Variants in MAST4 observed in about 807,000 individuals in gnomAD.
The protein encoded by MAST4 is microtubule-associated serine/threonine-protein kinase 4.
A neutral mutation model predicts 162.7 loss-of-function variants in MAST4; 89 were observed. That is an observed-to-expected ratio of 0.55 (90% CI 0.46 to 0.65). The LOEUF (loss-of-function observed/expected upper bound fraction) is 0.65, where lower values mean the gene tolerates loss of function less well. Ranked by LOEUF, MAST4 falls within the 30% of genes least tolerant of loss-of-function variation. The probability of loss-of-function intolerance (pLI) is 0.00; values close to 1 mark genes in which losing one functional copy is unlikely to be tolerated. For synonymous variants in MAST4, 1,479 were observed against 1,361.1 expected (o/e 1.09, Z -1.91); for missense variants, 3,153 against 3,374.0 (o/e 0.93, Z 1.62).
At chr5:67,142,804 C>G in intron 21 of MAST4, 1 of 315,702 alleles carries the variant, frequency 3.2e-6, no homozygotes, top group Non-Finnish European at 5.8e-6. Context: ...AGCTCTGATC[C>G]CCTTCAGGAA....
chr5:66,916,351 A>G (rs981653890), intron 4 of MAST4, among the ~76,000 whole-genome samples: 2 of 152,232 alleles, frequency 1.3e-5, no homozygotes, highest in African/African-American at 4.8e-5. Context: ...GATATTAAGC[A>G]AGTAGCCCCA....
At chr5:66,979,536 G>C (rs374712114) in intron 4 of MAST4, among the ~76,000 whole-genome samples, 2 of 152,300 alleles carry the variant, frequency 1.3e-5, no homozygotes, top group African/African-American at 4.8e-5. Flanking sequence ...CTCTAGATCC[G>C]CTAGAGATGC....
At chr5:66,927,714 T>C (rs1245732399) in intron 4 of MAST4, among the ~76,000 whole-genome samples, 3 of 152,186 alleles carry the variant, frequency 2.0e-5, no homozygotes, top group African/African-American at 7.2e-5. Context: ...TGCTTGAAGA[T>C]GCGCCATCTG....
rs754504824 is a variant in MAST4 at position 66,947,231 on chromosome 5, A to AT, written c.674+47255dup. Among the ~76,000 whole-genome samples the AT allele has an allele frequency of 3.4e-3, 523 of 152,060 alleles. 4 individuals carry two copies. Among genetic ancestry groups the AT allele is most frequent in the Non-Finnish European group, 3.8e-3 (257 of 67,966 alleles). On this transcript the variant is annotated intron_variant, in intron 4 of 28. Coordinates refer to ENST00000403625, the MANE Select transcript of MAST4 (RefSeq NM_001164664.2). ...AAGTAGGACCGTGGAAAATGAGTAT[A>AT]TTTTTTCTGCATGACTTTTATGGTC...
chr5:67,044,387 G>T (rs1418283450), intron 4 of MAST4, among the ~76,000 whole-genome samples: 1 of 152,170 alleles, frequency 6.6e-6, no homozygotes, highest in Non-Finnish European at 1.5e-5. Context: ...TCATGTTGCA[G>T]ATAAATTGCA....
intron 3 of MAST4, among the ~76,000 whole-genome samples, chr5:66,881,707 A>G (rs1377443556): frequency 2.0e-5 from 3 of 152,318 alleles, no homozygotes; most frequent in Non-Finnish European, 4.4e-5. Flanking sequence ...AATATTTTAA[A>G]TTTAAAGGTG....
chr5:66,688,801 GA>G (rs1748855117), intron 1 of MAST4, among the ~76,000 whole-genome samples: 1 of 152,138 alleles, frequency 6.6e-6, no homozygotes, highest in Admixed American at 6.6e-5. Context: ...GGGTGGGGAA[GA>G]CCTTGCTTAT....
At chr5:66,604,366 A>G (rs540759223) in intron 1 of MAST4, among the ~76,000 whole-genome samples, 1 of 152,334 alleles carries the variant, frequency 6.6e-6, no homozygotes, top group South Asian at 2.1e-4. Context: ...TTTGATTATG[A>G]TACTTACCTC....
chr5:66,874,952 C>T (rs1175764526), intron 3 of MAST4, among the ~76,000 whole-genome samples: 3 of 152,096 alleles, frequency 2.0e-5, no homozygotes, highest in Admixed American at 6.5e-5. Context: ...GGCCAGAGTT[C>T]ATAGTTGCAT....
intron 4 of MAST4, 81 bp downstream of exon 4, chr5:66,900,063 G>A (rs1762913065): frequency 9.5e-6 from 9 of 950,128 alleles, no homozygotes; most frequent in Non-Finnish European, 1.0e-5. Flanking sequence ...ATTCATTAGT[G>A]GCAATTATAA....
At chr5:66,823,463 G>C (rs754531606) in intron 3 of MAST4, among the ~76,000 whole-genome samples, 14 of 152,200 alleles carry the variant, frequency 9.2e-5, no homozygotes, top group Non-Finnish European at 1.9e-4. Context: ...GGCACGTAAT[G>C]TGATCAACAA....
At chr5:67,129,399 G>T (rs1298702595) in intron 14 of MAST4, among the ~76,000 whole-genome samples, 1 of 152,064 alleles carries the variant, frequency 6.6e-6, no homozygotes, top group Non-Finnish European at 1.5e-5. Flanking sequence ...GGTTTTTTGT[G>T]GATCCCAATG....
intron 4 of MAST4, among the ~76,000 whole-genome samples, chr5:67,033,653 T>C (rs530905277): frequency 6.6e-6 from 1 of 152,254 alleles, no homozygotes; most frequent in Non-Finnish European, 1.5e-5. Context: ...GATCTAGATT[T>C]CGTTATATGA....
intron 18 of MAST4, among the ~76,000 whole-genome samples, chr5:67,135,902 T>G (rs1769577219): frequency 1.3e-5 from 2 of 152,214 alleles, no homozygotes; most frequent in African/African-American, 2.4e-5. Flanking sequence ...CGCACACCTA[T>G]CTTCAGGCAA....
At position 66,778,466 on chromosome 5, in the gene MAST4, A is replaced by T. The variant is rs1754704263; in HGVS notation, c.518-10204A>T. Among the ~76,000 whole-genome samples the T allele has an allele frequency of 3.3e-5, 5 of 152,276 alleles. No individual in the cohort carries two copies. In the South Asian group the frequency reaches 1.0e-3, roughly 32 times the overall value. On this transcript the variant is annotated intron_variant, in intron 2 of 28. Transcript: ENST00000403625. ...ATTACAGCTTACCAAGCTTTATTGC[A>T]TGCATTAATTTGGTCCTAATATCTG...
In MAST4 at chr5:66,879,139, C is replaced by T. The variant is rs567561528; in HGVS notation, c.643-20812C>T. On this transcript the variant is annotated intron_variant, in intron 3 of 28. Transcript: ENST00000403625. Reference sequence around the variant, plus strand: ...CTAAAAATACAAAAAATTAGCTGGGCGTGGTGGCGGGTGCCTGTAGTTCCA... The same window carrying T: ...CTAAAAATACAAAAAATTAGCTGGGTGTGGTGGCGGGTGCCTGTAGTTCCA... Among the ~76,000 whole-genome samples the T allele has an allele frequency of 9.2e-5, 14 of 152,026 alleles. No homozygotes were observed. In the East Asian group the frequency reaches 2.3e-3, roughly 25 times the overall value.
At chr5:67,105,215 C>G (rs1765465358) in intron 10 of MAST4, among the ~76,000 whole-genome samples, 1 of 152,104 alleles carries the variant, frequency 6.6e-6, no homozygotes, top group Non-Finnish European at 1.5e-5. Flanking sequence ...CTGAAATTGA[C>G]CAGCCACAGC....
intron 26 of MAST4, among the ~76,000 whole-genome samples, chr5:67,160,142 AG>A (rs1452748915): frequency 6.6e-6 from 1 of 152,178 alleles, no homozygotes; most frequent in Non-Finnish European, 1.5e-5. Flanking sequence ...CCCAGGAGAT[AG>A]GTAGGATTAT....
intron 8 of MAST4, 54 bp downstream of exon 8, chr5:67,100,646 A>G: frequency 1.9e-6 from 3 of 1,606,628 alleles, no homozygotes; most frequent in Non-Finnish European, 2.6e-6. Context: ...ATTTTCAAAC[A>G]TTTTGAGTGA....
Sources: allele counts gnomAD v4.1 joint callset (sites outside exome capture counted in the v4.1 genomes callset), GRCh38; gene constraint gnomAD v4.1.1; transcripts MANE v1.5; gene names NCBI Gene and HGNC (gene_info 2026-07-23, HGNC 2026-07-21).